The following MYOM3 variants were observed in gnomAD, a reference collection of about 807,000 sequenced individuals.
The protein encoded by MYOM3 is myomesin 3.
MYOM3 carries 155 observed loss-of-function variants against 191.7 expected under a neutral mutation model. The observed-to-expected ratio is 0.81, with a 90% CI of 0.71 to 0.92. The LOEUF (loss-of-function observed/expected upper bound fraction) is 0.92. Among genes scored for constraint, MYOM3 ranks in the 40% least tolerant of loss-of-function variants. The pLI, the probability that MYOM3 is intolerant of heterozygous loss-of-function variation, is 0.00. For missense variants in MYOM3, 1,889 were observed against 1,890.6 expected (o/e 1.00, Z 0.02); for synonymous variants, 757 against 762.9 (o/e 0.99, Z 0.13).
chr1:24,056,667 C>G lies in MYOM3; in HGVS notation c.*697G>C, dbSNP rs1436200839. The G allele has an allele frequency of 6.6e-6, 1 of 152,446 alleles. No homozygotes were observed. The highest frequency in any genetic ancestry group is 1.5e-5 in the Non-Finnish European group (1 of 68,218). The allele number at this position is 152,446 out of a possible 1,614,324, so 9.4% of individuals were successfully genotyped here. On this transcript the variant is annotated 3_prime_UTR_variant, in exon 37 of 37. Transcript: ENST00000374434. ...TACAGGCGTGAGCCACCTCGCCCAG[C>G]CTGGATGAAGGTGTTTTCAAAGCCC... is the stretch of plus-strand genomic sequence containing the variant.
chr1:24,075,555 C>T (rs1312265848), intron 21 of MYOM3, 80 bp from the exon 22 acceptor site: 9 of 1,410,422 alleles, frequency 6.4e-6, no homozygotes, highest in Non-Finnish European at 7.6e-6. Flanking sequence ...CTTAAACCTC[C>T]AGGGCCTGCC....
intron 20 of MYOM3, among the ~76,000 whole-genome samples, chr1:24,078,442 G>C (rs764386606): frequency 7.2e-5 from 11 of 152,138 alleles, no homozygotes; most frequent in Non-Finnish European, 1.6e-4. Context: ...ACTTTTACAA[G>C]GACATAATCC....
At chr1:24,099,592 C>T in intron 6 of MYOM3, 88 bp downstream of exon 6, 1 of 1,046,164 alleles carries the variant, frequency 9.6e-7, no homozygotes, top group African/African-American at 1.6e-5. Context: ...ACTTGGGCCT[C>T]AGCTCCGAGG....
chr1:24,106,158 C>T (rs973541180), intron 4 of MYOM3, 81 bp from the exon 5 acceptor site: 3 of 1,441,612 alleles, frequency 2.1e-6, no homozygotes, highest in Middle Eastern at 1.8e-4. Context: ...CCCACTGACA[C>T]CCAGACTCTG....
At chr1:24,076,708 T>C (rs1340259544) in intron 20 of MYOM3, among the ~76,000 whole-genome samples, 2 of 106,526 alleles carry the variant, frequency 1.9e-5, no homozygotes, top group Admixed American at 9.3e-5. Context: ...AGAGACGGGG[T>C]TTCACCGTTT....
rs1164594190 is a variant in MYOM3, at chr1:24,107,184, T to G, written c.291A>C (p.Arg97=). The change falls in exon 4 of 37, where the codon CGA becomes CGC. Residue 97 remains arginine (R), a synonymous_variant. Coordinates refer to ENST00000374434, the MANE Select transcript of MYOM3 (RefSeq NM_152372.4). ...RQTSAVELEE[R]GQKRVGFGND... The stretch of plus-strand genomic sequence containing the variant: ...TGCCGAAGCCCACCCGCTTCTGCCC[T>G]CGCTCCTCCAGCTCCACGGCAGAGG... 6.2e-7 allele frequency: 1 copy of G among 1,609,768 alleles called. No homozygotes were observed. The highest frequency in any genetic ancestry group is 1.7e-5 in the Admixed American group (1 of 59,612).
At chr1:24,085,319 T>TGGAC (rs1372710047) in intron 15 of MYOM3, among the ~76,000 whole-genome samples, 3 of 147,450 alleles carry the variant, frequency 2.0e-5, no homozygotes, top group Non-Finnish European at 4.6e-5. Flanking sequence ...GATGGATGGA[T>TGGAC]GGACAGGTGG....
chr1:24,075,751 C>T (rs1054205892), intron 21 of MYOM3, among the ~76,000 whole-genome samples: 2 of 152,178 alleles, frequency 1.3e-5, no homozygotes, highest in African/African-American at 4.8e-5. Flanking sequence ...AATCGCTTTC[C>T]TCATGCAATA....
rs759654386 is a variant in MYOM3, at chr1:24,106,068, TCTC to T, written c.409_411del (p.Glu137del). 6 of 1,610,944 alleles carry T rather than the reference TCTC, an allele frequency of 3.7e-6. No individual in the cohort carries two copies. The highest frequency in any genetic ancestry group is 2.2e-5 in the East Asian group (1 of 44,870). On this transcript the variant is annotated inframe_deletion, in exon 5 of 37. Transcript: ENST00000374434. Reference sequence around the variant, plus strand: ...CTCAGCTCCTTGGCCTCCTGGACCTTCTCCTCTGTCTGGAGGCGGGAAGAGGTG... The same window carrying T: ...CTCAGCTCCTTGGCCTCCTGGACCTTCTCTGTCTGGAGGCGGGAAGAGGTG...
At chr1:24,097,488 C>T (rs1350957168) in intron 7 of MYOM3, among the ~76,000 whole-genome samples, 1 of 152,210 alleles carries the variant, frequency 6.6e-6, no homozygotes, top group Non-Finnish European at 1.5e-5. Flanking sequence ...CTAATTCATC[C>T]ATTCAGTTCA....
rs927633704 is a variant in MYOM3 at position 24,087,326 on chromosome 1, A to C, written c.1615-499T>G. On this transcript the variant is annotated intron_variant, in intron 14 of 36. Transcript: ENST00000374434. This position sits in a 1 kb window ranked among gnomAD's most constrained non-coding sequence, Gnocchi z 4.5. ...TGGTCTCCCCTCCATTTCTACCTAT[A>C]ACCCCCTTCCGTCTTGTCTCAAATG... Among the ~76,000 whole-genome samples, 3 of 151,882 alleles carry C rather than the reference A, an allele frequency of 2.0e-5. No homozygotes were observed. Among genetic ancestry groups the C allele is most frequent in the Non-Finnish European group, 4.4e-5 (3 of 67,972 alleles).
At chr1:24,066,337 T>C in intron 28 of MYOM3, 1 of 660,594 alleles carries the variant, frequency 1.5e-6, no homozygotes, top group Admixed American at 2.3e-5. Flanking sequence ...TGTTTTCCAA[T>C]GGTCCTGCCT....
At chr1:24,093,539 G>A (rs557467383) in intron 9 of MYOM3, among the ~76,000 whole-genome samples, 3 of 151,988 alleles carry the variant, frequency 2.0e-5, no homozygotes, top group South Asian at 2.1e-4. Flanking sequence ...TCGGTGAGGC[G>A]GGTGGAGGAC....
chr1:24,063,670 A>C lies in MYOM3; in HGVS notation c.3623-140T>G. On this transcript the variant is annotated intron_variant, in intron 30 of 36. Transcript: ENST00000374434. This position sits in a 1 kb window ranked among gnomAD's most constrained non-coding sequence, Gnocchi z 4.5. Reference sequence around the variant, plus strand: ...CAGGCAACTCTGTAGGATGACTCTCATAGCTTGGGGATAGGAGGGGGTTCA... The same window carrying C: ...CAGGCAACTCTGTAGGATGACTCTCCTAGCTTGGGGATAGGAGGGGGTTCA... 1.1e-6 allele frequency: 1 copy of C among 950,324 alleles called. No individual in the cohort carries two copies. Among genetic ancestry groups the C allele is most frequent in the Non-Finnish European group, 1.6e-6 (1 of 606,668 alleles). 58.9% of individuals were successfully genotyped at this position (950,324 alleles called of 1,614,324 possible).
At chr1:24,099,923 A>C in intron 5 of MYOM3, 148 bp from the exon 6 acceptor site, 3 of 632,550 alleles carry the variant, frequency 4.7e-6, no homozygotes, top group East Asian at 5.7e-5. Context: ...GCTGGAGCGC[A>C]GTAGTACAAT....
intron 20 of MYOM3, among the ~76,000 whole-genome samples, chr1:24,076,507 C>CT (rs558326490): frequency 0.76 from 37,113 of 49,096 alleles, 15,519 homozygotes; most frequent in Non-Finnish European, 0.85. Flanking sequence ...CCTAATGTTT[C>CT]TTTTTTTTTT....
chr1:24,062,190 G>C, intron 32 of MYOM3, 81 bp from the exon 33 acceptor site: 1 of 1,536,954 alleles, frequency 6.5e-7, no homozygotes, highest in Non-Finnish European at 8.9e-7. Flanking sequence ...CCTCTCCTCT[G>C]GTTTTGTTTT....
In MYOM3 at chr1:24,057,071, C is replaced by T. The variant is rs183805439; in HGVS notation, c.*293G>A. ...GGAGCTGCAGTGTTTAGCAGCGTAC[C>T]TGACCTCTACCTATCAGATGCCAGT... On this transcript the variant is annotated 3_prime_UTR_variant, in exon 37 of 37. Coordinates refer to ENST00000374434, the MANE Select transcript of MYOM3 (RefSeq NM_152372.4). 61 of 436,028 alleles carry T rather than the reference C, an allele frequency of 1.4e-4. No individual in the cohort carries two copies. Among genetic ancestry groups the T allele is most frequent in the African/African-American group, 1.2e-3 (60 of 50,992 alleles). 27.0% of individuals were successfully genotyped at this position (436,028 alleles called of 1,614,324 possible).
intron 25 of MYOM3, among the ~76,000 whole-genome samples, 192 bp downstream of exon 25, chr1:24,070,925 A>AC (rs543704884): frequency 4.3e-4 from 66 of 151,816 alleles, no homozygotes; most frequent in African/African-American, 1.5e-3. Context: ...TGCCAACCCC[A>AC]CCCCCAACAC....
Sources: gnomAD v4.1 joint callset for allele counts (sites outside exome capture counted in the v4.1 genomes callset) on GRCh38, gnomAD v4.1.1 for gene constraint, Gnocchi (gnomAD v3.1) non-coding constraint, MANE v1.5 for transcripts, NCBI Gene and HGNC (gene_info 2026-07-23, HGNC 2026-07-21) for gene names.